MORN2: variants seen among roughly 807,000 people sequenced by gnomAD.
The protein encoded by MORN2 is MORN repeat containing 2.
Under a neutral mutation model 13.4 loss-of-function variants are expected in MORN2, and 15 were observed. The ratio of observed to expected loss-of-function variants is 1.12; its 90% CI spans 0.75 to 1.72. The LOEUF is 1.72. MORN2 is among the 40% of genes most tolerant of loss of function. MORN2 has a pLI of 0.00. For missense variants in MORN2, 168 were observed against 134.6 expected, an observed-to-expected ratio of 1.25 and a Z score of -1.23; for synonymous variants, 46 against 43.6, an observed-to-expected ratio of 1.06 and a Z score of -0.22.
intron 3 of MORN2, 67 bp from the exon 4 acceptor site, chr2:38,881,375 A>G (rs1463428745): frequency 7.2e-7 from 1 of 1,384,798 alleles, no homozygotes; most frequent in South Asian, 1.4e-5. Flanking sequence ...TTATATTTGT[A>G]CATTTTTTAA....
chr2:38,880,243 T>G lies in MORN2; in HGVS notation c.109+14T>G, dbSNP rs1383832866. 1 of 399,310 alleles carries G rather than the reference T, an allele frequency of 2.5e-6. No homozygotes were observed. Among genetic ancestry groups the G allele is most frequent in the African/African-American group, 2.1e-5 (1 of 48,638 alleles). 24.7% of individuals were successfully genotyped at this position (399,310 alleles called of 1,614,324 possible). On this transcript the variant is annotated intron_variant, in intron 2 of 4. Transcript: ENST00000644631. ...GAGACAAGTATGGTAAGTATACGCT[T>G]CAATTACTTTTTCTGTATAGAAAAT...
rs112976519 is a variant in MORN2, at chr2:38,882,563, T to C, written c.*48T>C. The C allele has an allele frequency of 2.2e-6, 3 of 1,388,406 alleles. No individual in the cohort carries two copies. Among genetic ancestry groups the C allele is most frequent in the Non-Finnish European group, 3.0e-6 (3 of 1,002,570 alleles). The allele number at this position is 1,388,406 out of a possible 1,614,324, so 86.0% of individuals were successfully genotyped here. A position where few individuals can be genotyped will look rare whatever the true frequency, so the allele number is the denominator to read the frequency against. On this transcript the variant is annotated 3_prime_UTR_variant, in exon 5 of 5. Coordinates refer to ENST00000644631, the MANE Select transcript of MORN2 (RefSeq NM_001145450.3). ...AAATGTAGTAATTGAAGCTTTTAGT[T>C]GTAAGGAAAGCAACTTAATCTGTTA...
At chr2:38,876,556 G>A (rs937199267) in intron 1 of MORN2, among the ~76,000 whole-genome samples, 1 of 152,224 alleles carries the variant, frequency 6.6e-6, no homozygotes, top group African/African-American at 2.4e-5. Flanking sequence ...CACGGAGTCG[G>A]ACAGTGGGGT....
chr2:38,881,870 A>G (rs1572729814), intron 4 of MORN2, among the ~76,000 whole-genome samples: 1 of 152,336 alleles, frequency 6.6e-6, no homozygotes, highest in East Asian at 1.9e-4. Context: ...AGGCTGGTCT[A>G]GAACTCCTGA....
At position 38,879,569 on chromosome 2, in the gene MORN2, A is replaced by G. The variant is rs114579919; in HGVS notation, c.59-610A>G. 5.2e-3 allele frequency among the ~76,000 whole-genome samples: 795 copies of G among 152,036 alleles called. 11 individuals carry two copies. Among genetic ancestry groups the G allele is most frequent in the African/African-American group, 0.018 (757 of 41,492 alleles). ...TATTATATGATTTCATTTATAAGAA[A>G]TGTCCAGAATAGGCAAATCCCTGAG... On this transcript the variant is annotated intron_variant, in intron 1 of 4. Coordinates refer to ENST00000644631, the MANE Select transcript of MORN2 (RefSeq NM_001145450.3).
rs1665800470 is a variant in MORN2, at chr2:38,882,467, C to G, written c.408C>G (p.Asn136Lys). 6.4e-7 allele frequency: 1 copy of G among 1,550,856 alleles called. No homozygotes were observed. Residue 136 changes from asparagine (N) to lysine (K), a missense_variant, in exon 5 of 5, where the codon AAC (asparagine) becomes AAG (lysine). Transcript: ENST00000644631. Reference sequence around the variant, plus strand: ...TCCAAGGACTAGAATGGAGTGGTAACTTTCATTTTACAGCTGCTCCAGACC... The same window carrying G: ...TCCAAGGACTAGAATGGAGTGGTAAGTTTCATTTTACAGCTGCTCCAGACC...
At position 38,881,585 on chromosome 2, in the gene MORN2, T is replaced by C. The variant is rs1431727517; in HGVS notation, c.353+7T>C. The stretch of plus-strand genomic sequence containing the variant: ...GAAATTTCAATGAAAATAGGTAAGC[T>C]TAAAATAAAAAAAAATCACTGCATT... On this transcript the variant is annotated splice_region_variant and intron_variant, in intron 4 of 4. Coordinates refer to ENST00000644631, the MANE Select transcript of MORN2 (RefSeq NM_001145450.3). 1 of 1,494,258 alleles carries C rather than the reference T, an allele frequency of 6.7e-7. No homozygotes were observed. The highest frequency in any genetic ancestry group is 2.5e-5 in the East Asian group (1 of 39,376). The allele number at this position is 1,494,258 out of a possible 1,614,324, so 92.6% of individuals were successfully genotyped here.
chr2:38,880,905 T>C (rs772816580), intron 3 of MORN2, among the ~76,000 whole-genome samples, 199 bp downstream of exon 3: 1 of 152,238 alleles, frequency 6.6e-6, no homozygotes. Context: ...ACTTTCTTTC[T>C]CATCTCCTAT....
chr2:38,880,833 C>T (rs2124967965), intron 3 of MORN2, 127 bp downstream of exon 3: 1 of 982,072 alleles, frequency 1.0e-6, no homozygotes, highest in Non-Finnish European at 1.4e-6. Flanking sequence ...AACAAATGAT[C>T]ATATTAACAT....
At chr2:38,881,110 A>G (rs1665762557) in intron 3 of MORN2, among the ~76,000 whole-genome samples, 1 of 152,182 alleles carries the variant, frequency 6.6e-6, no homozygotes, top group South Asian at 2.1e-4. Flanking sequence ...CTTAACAACT[A>G]CTTTGTACTG....
intron 1 of MORN2, among the ~76,000 whole-genome samples, chr2:38,878,110 C>T (rs967706784): frequency 4.9e-5 from 7 of 141,750 alleles, no homozygotes; most frequent in Non-Finnish European, 1.1e-4. Flanking sequence ...GCGTGCCTGC[C>T]AGTTTCCATG....
intron 1 of MORN2, chr2:38,876,345 C>T: frequency 2.6e-6 from 1 of 387,112 alleles, no homozygotes; most frequent in Non-Finnish European, 4.6e-6. Context: ...GCCTCAGTTT[C>T]CGCTATGGTG....
At chr2:38,881,851 G>A (rs557145196) in intron 4 of MORN2, among the ~76,000 whole-genome samples, 13 of 152,268 alleles carry the variant, frequency 8.5e-5, no homozygotes, top group East Asian at 7.7e-4. Flanking sequence ...GGGTTTCACC[G>A]TGTTGAGCAG....
At chr2:38,880,358 C>G in intron 2 of MORN2, 129 bp downstream of exon 2, 1 of 398,994 alleles carries the variant, frequency 2.5e-6, no homozygotes, top group Non-Finnish European at 4.4e-6. Context: ...TAACAGAAAT[C>G]CTAATAGATA....
Position 38,876,067 on chromosome 2 carries a change from G to A in MORN2, c.15G>A (p.Gly5=), listed in dbSNP as rs1428025098. The A allele has an allele frequency of 7.5e-6, 3 of 398,750 alleles. No individual in the cohort carries two copies. Among genetic ancestry groups the A allele is most frequent in the African/African-American group, 6.2e-5 (3 of 48,772 alleles). The allele number at this position is 398,750 out of a possible 1,614,324, so 24.7% of individuals were successfully genotyped here. ...CGGCCGCAGAGCTGGCCGCCCAGGG[G>A]GAGTCGCAGAGTTTGGAAGATCTCT... Residue 5 remains glycine (G), a synonymous_variant, in exon 1 of 5, where the codon GGG becomes GGA. Transcript: ENST00000644631.
chr2:38,878,727 C>G (rs1427720478), intron 1 of MORN2, among the ~76,000 whole-genome samples: 1 of 152,006 alleles, frequency 6.6e-6, no homozygotes, highest in African/African-American at 2.4e-5. Flanking sequence ...TTGTAATCAC[C>G]TGTTCCTATT....
At chr2:38,881,687 G>A (rs1411085745) in intron 4 of MORN2, 109 bp downstream of exon 4, 35 of 917,800 alleles carry the variant, frequency 3.8e-5, no homozygotes, top group Non-Finnish European at 4.9e-5. Flanking sequence ...GTCTCCCTCT[G>A]TCATCCAGGC....
At chr2:38,877,290 AT>A (rs1160683199) in intron 1 of MORN2, among the ~76,000 whole-genome samples, 1 of 149,678 alleles carries the variant, frequency 6.7e-6, no homozygotes, top group Non-Finnish European at 1.5e-5. Flanking sequence ...AAATAAATAA[AT>A]TAAATTAAAT....
intron 1 of MORN2, 25 bp downstream of exon 1, chr2:38,876,135 C>G (rs1169019481): frequency 5.0e-6 from 2 of 398,620 alleles, no homozygotes; most frequent in Non-Finnish European, 8.8e-6. Flanking sequence ...TCCTAACGAC[C>G]CGGGCAGAGA....
Sources: gnomAD v4.1 joint callset for allele counts (sites outside exome capture counted in the v4.1 genomes callset) on GRCh38, gnomAD v4.1.1 for gene constraint, MANE v1.5 for transcripts, NCBI Gene and HGNC (gene_info 2026-07-23, HGNC 2026-07-21) for gene names.